The following GALNT2 variants were observed in gnomAD, a reference collection of about 807,000 sequenced individuals.
GALNT2 encodes the protein UDP-GalNAc:polypeptide N-acetylgalactosaminyltransferase 2.
Under a neutral mutation model 81.4 loss-of-function variants are expected in GALNT2, and 31 were observed. That is an observed-to-expected ratio of 0.38 (90% CI 0.29 to 0.51). GALNT2 has a LOEUF of 0.51. Among genes scored for constraint, GALNT2 ranks in the 20% least tolerant of loss-of-function variants. The pLI, the probability that GALNT2 is intolerant of heterozygous loss-of-function variation, is 0.87. For missense variants in GALNT2, 629 were observed against 765.7 expected (o/e 0.82, Z 2.11); for synonymous variants, 303 against 287.4 (o/e 1.05, Z -0.55).
intron 10 of GALNT2, among the ~76,000 whole-genome samples, chr1:230,254,026 C>A (rs1665630881): frequency 6.6e-6 from 1 of 152,188 alleles, no homozygotes; most frequent in Non-Finnish European, 1.5e-5. Flanking sequence ...TGTCCTGCCT[C>A]CCTAACATGT....
rs546906676 is a variant in GALNT2, at chr1:230,067,265, C to T, written c.-16C>T. On this transcript the variant is annotated 5_prime_UTR_variant, in exon 1 of 16. Coordinates refer to ENST00000366672, the MANE Select transcript of GALNT2 (RefSeq NM_004481.5). ...TCGCGAGCAGCGGCGGCCCCGCCGG[C>T]GGCCGAGTTGGGAGAATGCGGCGGC... The T allele has an allele frequency of 6.2e-5, 80 of 1,299,138 alleles. No individual in the cohort carries two copies. Among genetic ancestry groups the T allele is most frequent in the Admixed American group, 5.3e-4 (15 of 28,496 alleles). 80.5% of individuals were successfully genotyped at this position (1,299,138 alleles called of 1,614,324 possible). A position where few individuals can be genotyped will look rare whatever the true frequency, so the allele number is the denominator to read the frequency against.
intron 2 of GALNT2, among the ~76,000 whole-genome samples, chr1:230,192,471 C>T (rs6673334): frequency 0.011 from 1,700 of 152,240 alleles, 17 homozygotes; most frequent in Middle Eastern, 0.02. Flanking sequence ...AGTAGATTCA[C>T]TTTGATATTA....
chr1:230,234,834 C>T (rs186618890), intron 3 of GALNT2, among the ~76,000 whole-genome samples: 21 of 152,306 alleles, frequency 1.4e-4, no homozygotes, highest in Admixed American at 1.2e-3. Context: ...CTGATGGGTT[C>T]TGCTGAGCCC....
At chr1:230,277,262 C>T (rs1008934932) in intron 15 of GALNT2, among the ~76,000 whole-genome samples, 1 of 152,140 alleles carries the variant, frequency 6.6e-6, no homozygotes, top group South Asian at 2.1e-4. Flanking sequence ...GCGCTCCCCA[C>T]CCCCAACCAC....
At chr1:230,183,064 T>C (rs1663209519) in intron 2 of GALNT2, among the ~76,000 whole-genome samples, 1 of 152,246 alleles carries the variant, frequency 6.6e-6, no homozygotes, top group Non-Finnish European at 1.5e-5. Flanking sequence ...GAAATTAATA[T>C]AGCTATTCTT....
intron 1 of GALNT2, among the ~76,000 whole-genome samples, chr1:230,160,664 A>G (rs938196339): frequency 2.0e-5 from 3 of 152,014 alleles, no homozygotes; most frequent in Non-Finnish European, 2.9e-5. Flanking sequence ...CGGTGAGCCA[A>G]CATGGTCCCA....
intron 1 of GALNT2, among the ~76,000 whole-genome samples, chr1:230,171,989 T>C (rs1662809403): frequency 6.6e-6 from 1 of 151,736 alleles, no homozygotes. Flanking sequence ...CCTTATGGCA[T>C]TGATAAATGT....
At chr1:230,166,625 C>T (rs1175719267) in intron 1 of GALNT2, among the ~76,000 whole-genome samples, 1 of 152,192 alleles carries the variant, frequency 6.6e-6, no homozygotes, top group African/African-American at 2.4e-5. Flanking sequence ...TTGCTGTGAC[C>T]AGTGGGTGTG....
intron 2 of GALNT2, among the ~76,000 whole-genome samples, chr1:230,198,131 G>T (rs11122463): frequency 6.6e-6 from 1 of 152,016 alleles, no homozygotes; most frequent in African/African-American, 2.4e-5. Context: ...TCCTTTTCAC[G>T]GTCAGCCTCC....
intron 11 of GALNT2, 49 bp from the exon 12 acceptor site, chr1:230,262,524 G>A (rs768066010): frequency 2.8e-5 from 42 of 1,510,960 alleles, no homozygotes; most frequent in Middle Eastern, 1.7e-4. Flanking sequence ...ATGGAGTGAT[G>A]CAGACAGAAA....
intron 6 of GALNT2, among the ~76,000 whole-genome samples, chr1:230,242,102 A>G (rs981791237): frequency 3.3e-5 from 5 of 152,210 alleles, no homozygotes; most frequent in Non-Finnish European, 7.3e-5. Flanking sequence ...TCAAGCCAAA[A>G]AAGGCTACAT....
chr1:230,217,147 T>G (rs1318190401), intron 3 of GALNT2, among the ~76,000 whole-genome samples: 1 of 151,528 alleles, frequency 6.6e-6, no homozygotes, highest in Non-Finnish European at 1.5e-5. Flanking sequence ...AACAATAAAA[T>G]AAATCATTAA....
intron 6 of GALNT2, among the ~76,000 whole-genome samples, chr1:230,241,406 T>G (rs996092160): frequency 1.3e-5 from 2 of 152,090 alleles, no homozygotes; most frequent in African/African-American, 4.8e-5. Context: ...GTAGGCTCTT[T>G]TTGTACTTTG....
chr1:230,180,463 T>C (rs1663126164), intron 2 of GALNT2, among the ~76,000 whole-genome samples: 1 of 152,134 alleles, frequency 6.6e-6, no homozygotes, highest in Non-Finnish European at 1.5e-5. Flanking sequence ...TTGCTTCCAT[T>C]GGTCTATTTT....
At chr1:230,214,105 C>G (rs1214426485) in intron 3 of GALNT2, among the ~76,000 whole-genome samples, 3 of 134,536 alleles carry the variant, frequency 2.2e-5, no homozygotes, top group Non-Finnish European at 4.5e-5. Context: ...CTGAAAACAT[C>G]TTAACTTTAC....
intron 11 of GALNT2, 99 bp downstream of exon 11, chr1:230,255,443 G>A: frequency 2.0e-6 from 3 of 1,484,350 alleles, no homozygotes; most frequent in Admixed American, 1.7e-5. Context: ...CCTTCAGTGG[G>A]TGTGGTGCAT....
chr1:230,139,847 G>A (rs893125391), intron 1 of GALNT2, among the ~76,000 whole-genome samples: 6 of 152,130 alleles, frequency 3.9e-5, no homozygotes, highest in Non-Finnish European at 5.9e-5. Context: ...GGGCTGTTGC[G>A]GAAATAATCT....
In GALNT2 at chr1:230,204,852, A is replaced by G. The variant is rs1572084798; in HGVS notation, c.374+1562A>G. On this transcript the variant is annotated intron_variant, in intron 3 of 15. Coordinates refer to ENST00000366672, the MANE Select transcript of GALNT2 (RefSeq NM_004481.5). The stretch of plus-strand genomic sequence containing the variant: ...GTGCTCGGATCCTAGCATTTCACCC[A>G]GAAAAATCTGGTCCCATTCCAGCTG... 2.6e-5 allele frequency among the ~76,000 whole-genome samples: 4 copies of G among 152,352 alleles called. No individual in the cohort carries two copies. In the South Asian group the frequency reaches 8.3e-4, roughly 32 times the overall value.
Position 230,134,112 on chromosome 1 carries a change from G to GTTT in GALNT2, c.127-44091_127-44089dup, listed in dbSNP as rs977480955. ...TTTAACTCTTCATCCACCTGAATCT[G>GTTT]TTTTTTTTTTTTTTTTTGGCAGAGT... is the stretch of plus-strand genomic sequence containing the variant. On this transcript the variant is annotated intron_variant, in intron 1 of 15. Transcript: ENST00000366672. Among the ~76,000 whole-genome samples, 764 of 120,858 alleles carry GTTT rather than the reference G, an allele frequency of 6.3e-3. 11 individuals carry two copies. The highest frequency in any genetic ancestry group is 0.019 in the East Asian group (72 of 3,706). 79.3% of individuals were successfully genotyped at this position (120,858 alleles called of 152,430 possible).
Sources: gnomAD v4.1 joint callset for allele counts (sites outside exome capture counted in the v4.1 genomes callset) on GRCh38, gnomAD v4.1.1 for gene constraint, MANE v1.5 for transcripts, NCBI Gene and HGNC (gene_info 2026-07-23, HGNC 2026-07-21) for gene names.